Variants in CAMTA1 observed in about 807,000 individuals in gnomAD.
CAMTA1 encodes calmodulin-binding transcription activator 1.
A neutral mutation model predicts 170.9 loss-of-function variants in CAMTA1; 27 were observed. That is an observed-to-expected ratio of 0.16 (90% CI 0.12 to 0.22). The LOEUF is 0.22. CAMTA1 is among the 10% of genes least tolerant of loss of function. CAMTA1 has a pLI of 1.00. For synonymous variants in CAMTA1, 833 were observed against 891.5 expected (o/e 0.93, Z 1.17); for missense variants, 1,619 against 2,217.2 (o/e 0.73, Z 5.42).
rs375786408 is a variant in CAMTA1 at position 7,765,267 on chromosome 1, C to T, written c.4990-1192C>T. ...GATCATTCTGCTATTAAGGCAGGTT[C>T]GTAATTGTCAGTGTAGAGAAATACT... On this transcript the variant is annotated intron_variant, in intron 22 of 22. Transcript: ENST00000303635. Among the ~76,000 whole-genome samples, 44 of 152,272 alleles carry T rather than the reference C, an allele frequency of 2.9e-4. 2 individuals are homozygous for T. Among genetic ancestry groups the T allele is most frequent in the African/African-American group, 7.2e-4 (30 of 41,550 alleles).
At position 7,335,772 on chromosome 1, in the gene CAMTA1, T is replaced by TAA. The variant is rs5772272; in HGVS notation, c.438+86160_438+86161dup. Reference sequence around the variant, plus strand: ...AGGTAGATGTGTTTATAGATAACGTTAAAAAAAAAAAAAAAGGCAAAAACC... The same window carrying TAA: ...AGGTAGATGTGTTTATAGATAACGTTAAAAAAAAAAAAAAAAAGGCAAAAACC... On this transcript the variant is annotated intron_variant, in intron 5 of 22. Coordinates refer to ENST00000303635, the MANE Select transcript of CAMTA1 (RefSeq NM_015215.4). Among the ~76,000 whole-genome samples, 33 of 142,852 alleles carry TAA rather than the reference T, an allele frequency of 2.3e-4. No individual in the cohort carries two copies. In the East Asian group the frequency reaches 2.9e-3, roughly 13 times the overall value. 93.7% of individuals were successfully genotyped at this position (142,852 alleles called of 152,430 possible). A position where few individuals can be genotyped will look rare whatever the true frequency, so the allele number is the denominator to read the frequency against.
intron 3 of CAMTA1, among the ~76,000 whole-genome samples, chr1:6,999,384 A>G (rs1697838995): frequency 6.6e-6 from 1 of 152,000 alleles, no homozygotes. Context: ...CTCGGGGAGC[A>G]TTTATTTATT....
At chr1:7,245,003 C>T (rs1363527362) in intron 4 of CAMTA1, among the ~76,000 whole-genome samples, 1 of 151,834 alleles carries the variant, frequency 6.6e-6, no homozygotes. Context: ...TTGCATGAAT[C>T]AAAACCTACT....
chr1:7,103,488 TACAC>T (rs543204879), intron 4 of CAMTA1, among the ~76,000 whole-genome samples: 1 of 125,806 alleles, frequency 7.9e-6, no homozygotes, highest in South Asian at 2.6e-4. Context: ...ACTACACACG[TACAC>T]ACAACACAGA....
intron 5 of CAMTA1, among the ~76,000 whole-genome samples, chr1:7,390,647 A>C (rs1303165259): frequency 6.6e-6 from 1 of 152,182 alleles, no homozygotes; most frequent in African/African-American, 2.4e-5. Context: ...AAGGGACCCC[A>C]CCCTACAGAA....
At chr1:7,527,660 C>T (rs1182558111) in intron 6 of CAMTA1, among the ~76,000 whole-genome samples, 1 of 152,196 alleles carries the variant, frequency 6.6e-6, no homozygotes, top group Non-Finnish European at 1.5e-5. Context: ...GAATGCTCAT[C>T]GGGCACAGCC....
intron 3 of CAMTA1, among the ~76,000 whole-genome samples, chr1:7,066,740 G>C (rs770582452): frequency 5.9e-4 from 90 of 152,350 alleles, no homozygotes; most frequent in Non-Finnish European, 1.0e-3. Context: ...GGGACGGTCA[G>C]CTTCCCAAAT....
chr1:7,699,379 T>C (rs1289412239), intron 11 of CAMTA1, among the ~76,000 whole-genome samples: 2 of 152,212 alleles, frequency 1.3e-5, no homozygotes, highest in Non-Finnish European at 2.9e-5. Flanking sequence ...AATGATGTAA[T>C]ACAATGTATG....
chr1:6,864,567 G>A (rs1381735846), intron 3 of CAMTA1, among the ~76,000 whole-genome samples: 5 of 152,132 alleles, frequency 3.3e-5, no homozygotes, highest in East Asian at 1.9e-4. Flanking sequence ...AGCCCCTCTC[G>A]CCTTGTCCTC....
Position 7,293,936 on chromosome 1 carries a change from C to T in CAMTA1, c.438+44310C>T, listed in dbSNP as rs554489252. 3.3e-5 allele frequency among the ~76,000 whole-genome samples: 5 copies of T among 152,354 alleles called. No individual in the cohort carries two copies. Among genetic ancestry groups the T allele is most frequent in the South Asian group, 4.1e-4 (2 of 4,830 alleles). ...TCCTTTTTCTGCTTCGTGCTAGCAG[C>T]CTCGCACTTCCCACCTGTTAAAGCT... On this transcript the variant is annotated intron_variant, in intron 5 of 22. Coordinates refer to ENST00000303635, the MANE Select transcript of CAMTA1 (RefSeq NM_015215.4). The surrounding 1 kb of genome is among the most constrained non-coding windows in gnomAD (Gnocchi z 4.1).
At position 7,171,812 on chromosome 1, in the gene CAMTA1, G is replaced by C. The variant is rs1573627289; in HGVS notation, c.303-77679G>C. Among the ~76,000 whole-genome samples the C allele has an allele frequency of 4.6e-5, 7 of 152,232 alleles. No individual in the cohort carries two copies. In the South Asian group the frequency reaches 1.5e-3, roughly 32 times the overall value. On this transcript the variant is annotated intron_variant, in intron 4 of 22. Transcript: ENST00000303635. ...CCTGGCAGGCACTCAGCTGCCTTCT[G>C]TCTCCATGGATTTGCCTGTTCTGGA...
rs149109112 is a variant in CAMTA1, at chr1:7,160,724, A to G, written c.302+69353A>G. Among the ~76,000 whole-genome samples the G allele has an allele frequency of 5.2e-3, 796 of 152,322 alleles. 8 individuals carry two copies. The highest frequency in any genetic ancestry group is 0.018 in the African/African-American group (762 of 41,564). On this transcript the variant is annotated intron_variant, in intron 4 of 22. Coordinates refer to ENST00000303635, the MANE Select transcript of CAMTA1 (RefSeq NM_015215.4). ...TGATGACACACAGTTCTCTGTCTAC[A>G]GCCCAGGTAGTACCACTAAGTTTCA...
intron 4 of CAMTA1, among the ~76,000 whole-genome samples, chr1:7,186,765 T>G (rs1435691189): frequency 6.6e-6 from 1 of 152,208 alleles, no homozygotes; most frequent in South Asian, 2.1e-4. Context: ...GCACTATTCC[T>G]TGCAATAAGC....
At chr1:7,458,764 C>T (rs896050040) in intron 5 of CAMTA1, among the ~76,000 whole-genome samples, 1 of 152,242 alleles carries the variant, frequency 6.6e-6, no homozygotes, top group Non-Finnish European at 1.5e-5. Context: ...GGGCCACAAG[C>T]TGCTTTGGGA....
At chr1:7,350,129 A>G (rs1482951699) in intron 5 of CAMTA1, among the ~76,000 whole-genome samples, 1 of 151,884 alleles carries the variant, frequency 6.6e-6, no homozygotes. Flanking sequence ...AGGGGTGCTC[A>G]CTCCTGTGGG....
In CAMTA1 at chr1:6,978,573, G is replaced by A. The variant is rs377376689; in HGVS notation, c.235-112731G>A. ...CACTTGAACCCAGGAGTCGGAGGTT[G>A]CAGTGAGCTGAGATTGCGCCACTGC... On this transcript the variant is annotated intron_variant, in intron 3 of 22. Transcript: ENST00000303635. Among the ~76,000 whole-genome samples the A allele has an allele frequency of 3.2e-4, 49 of 152,180 alleles. No individual in the cohort carries two copies. The East Asian group carries it at 7.3e-3, about 23-fold the overall frequency.
At chr1:6,792,030 T>A (rs1033246419) in intron 1 of CAMTA1, among the ~76,000 whole-genome samples, 5 of 151,962 alleles carry the variant, frequency 3.3e-5, no homozygotes, top group Admixed American at 2.0e-4. Flanking sequence ...CTCCGCTCCC[T>A]GCAACCTCCG....
At chr1:7,102,029 C>T (rs1642791865) in intron 4 of CAMTA1, among the ~76,000 whole-genome samples, 1 of 5,322 alleles carries the variant, frequency 1.9e-4, no homozygotes. Flanking sequence ...ACACAACACA[C>T]ACACACACAC....
chr1:7,213,617 T>G (rs1256244280), intron 4 of CAMTA1, among the ~76,000 whole-genome samples: 1 of 151,858 alleles, frequency 6.6e-6, no homozygotes, highest in Non-Finnish European at 1.5e-5. Context: ...AATTTCTTTT[T>G]TTTATTATAC....
Sources: gnomAD v4.1 joint callset for allele counts (sites outside exome capture counted in the v4.1 genomes callset) on GRCh38, gnomAD v4.1.1 for gene constraint, Gnocchi (gnomAD v3.1) non-coding constraint, MANE v1.5 for transcripts, NCBI Gene and HGNC (gene_info 2026-07-23, HGNC 2026-07-21) for gene names.